Variants in EVC2 observed in about 807,000 individuals in gnomAD.
EVC2 encodes the protein EvC ciliary complex subunit 2.
EVC2 carries 148 observed loss-of-function variants against 149.3 expected under a neutral mutation model. The observed-to-expected ratio is 0.99, with a 90% CI of 0.87 to 1.14. EVC2 has a LOEUF of 1.14. EVC2 is among the 50% of genes most tolerant of loss of function. The pLI is 0.00. For synonymous variants in EVC2, 776 were observed against 649.9 expected (o/e 1.19, Z -2.95); for missense variants, 1,854 against 1,627.3 (o/e 1.14, Z -2.40).
chr4:5,574,598 T>A (rs1389178240), intron 19 of EVC2, 87 bp downstream of exon 19: 1 of 1,349,096 alleles, frequency 7.4e-7, no homozygotes, highest in African/African-American at 1.4e-5. Context: ...ATCACCATCC[T>A]GGAGGTGAGG....
rs1720075242 is a variant in EVC2, at chr4:5,677,562, G to C, written c.870+3698C>G. Among the ~76,000 whole-genome samples the C allele has an allele frequency of 6.6e-6, 1 of 152,172 alleles. No individual in the cohort carries two copies. Among genetic ancestry groups the C allele is most frequent in the African/African-American group, 2.4e-5 (1 of 41,450 alleles). ...CAACATGCAGGTGACGGGAAGCCTG[G>C]AAGACCTCGGCATGGCTCAATTCCA... On this transcript the variant is annotated intron_variant, in intron 7 of 21. Transcript: ENST00000344408. This position sits in a 1 kb window ranked among gnomAD's most constrained non-coding sequence, Gnocchi z 4.3.
Position 5,568,524 on chromosome 4 carries a change from CAGCAGGGCCAGCAGCTGAG to C in EVC2, c.3458_3476del (p.Pro1153ArgfsTer37), listed in dbSNP as rs778793911. The C allele has an allele frequency of 3.1e-6, 5 of 1,592,534 alleles. No individual in the cohort carries two copies. The highest frequency in any genetic ancestry group is 4.3e-6 in the Non-Finnish European group (5 of 1,175,228). Reference sequence around the variant, plus strand: ...CCACATGTCTCTCGGTGGCCGAATCCAGCAGGGCCAGCAGCTGAGGCTGTGAGGCTGTGGGCAGTACCAC... The same window carrying C: ...CCACATGTCTCTCGGTGGCCGAATCCGCTGTGAGGCTGTGGGCAGTACCAC... On this transcript the variant is annotated frameshift_variant, in exon 20 of 22. Transcript: ENST00000344408. LOFTEE classifies it high-confidence loss of function.
chr4:5,650,672 G>GCA (rs1718073341), intron 9 of EVC2, among the ~76,000 whole-genome samples: 1 of 73,822 alleles, frequency 1.4e-5, no homozygotes, highest in Non-Finnish European at 2.7e-5. Context: ...GAGAGAGAGA[G>GCA]CCATTTAATC....
intron 7 of EVC2, among the ~76,000 whole-genome samples, chr4:5,680,869 G>A (rs1720290872): frequency 6.6e-6 from 1 of 151,514 alleles, no homozygotes; most frequent in African/African-American, 2.4e-5. Flanking sequence ...GAAGTATTAT[G>A]GTGAAGAGCA....
chr4:5,650,910 A>G (rs1718092766), intron 9 of EVC2, among the ~76,000 whole-genome samples: 1 of 152,126 alleles, frequency 6.6e-6, no homozygotes, highest in Non-Finnish European at 1.5e-5. Flanking sequence ...CACAGAACAG[A>G]TGCTGGAAAA....
downstream of EVC2, among the ~76,000 whole-genome samples, chr4:5,538,932 C>G (rs767991875): frequency 6.6e-6 from 1 of 152,038 alleles, no homozygotes; most frequent in Non-Finnish European, 1.5e-5. Flanking sequence ...TAAACATTGT[C>G]CTGGAAGTTT....
At chr4:5,672,623 A>G (rs1001769336) in intron 7 of EVC2, among the ~76,000 whole-genome samples, 1 of 152,160 alleles carries the variant, frequency 6.6e-6, no homozygotes, top group Non-Finnish European at 1.5e-5. Context: ...CTGAGAGGCA[A>G]TAGGTTAAAA....
chr4:5,537,781 T>TCACTAACACATTTACTAG, downstream of EVC2, among the ~76,000 whole-genome samples: 1 of 152,268 alleles, frequency 6.6e-6, no homozygotes, highest in African/African-American at 2.4e-5. Flanking sequence ...TTTGTGGATG[T>TCACTAACACATTTACTAG]CACTAACACA....
chr4:5,688,990 C>T (rs1320107455), intron 5 of EVC2, among the ~76,000 whole-genome samples, 167 bp downstream of exon 5: 2 of 152,076 alleles, frequency 1.3e-5, no homozygotes, highest in African/African-American at 2.4e-5. Context: ...TGAATGTGGT[C>T]TCTTTTCTCT....
intron 17 of EVC2, among the ~76,000 whole-genome samples, chr4:5,579,163 G>T (rs934741712): frequency 6.6e-6 from 1 of 152,098 alleles, no homozygotes; most frequent in Non-Finnish European, 1.5e-5. Context: ...ACCGTGCAGG[G>T]GGGTAACTAG....
At chr4:5,699,841 T>C (rs1721718012) in intron 1 of EVC2, among the ~76,000 whole-genome samples, 1 of 151,498 alleles carries the variant, frequency 6.6e-6, no homozygotes, top group South Asian at 2.1e-4. Context: ...AAATAATAAA[T>C]ATTAATAATA....
At chr4:5,552,986 G>GT (rs1343496389) in intron 21 of EVC2, among the ~76,000 whole-genome samples, 3 of 152,336 alleles carry the variant, frequency 2.0e-5, no homozygotes, top group African/African-American at 7.2e-5. Flanking sequence ...TCCCTCTGGT[G>GT]TGTGATAGAT....
chr4:5,640,650 T>C lies in EVC2; in HGVS notation c.1334A>G (p.Glu445Gly), dbSNP rs1425223751. Residue 445 changes from glutamate to glycine, a missense_variant, in exon 10 of 22, where the codon GAG becomes GGG. Glu to Gly is a moderately conservative substitution (Grantham distance 98). Coordinates refer to ENST00000344408, the MANE Select transcript of EVC2 (RefSeq NM_147127.5). The surrounding 1 kb of genome is among the most constrained non-coding windows in gnomAD (Gnocchi z 4.6). ...TGCCACCATCTTCCGATCGTACTCC[T>C]CTTGTATTTCATTTTCCAGCAATAG... ...QFLLLENEIQ[E>G]EYDRKMVALT... 3 of 1,614,150 alleles carry C rather than the reference T, an allele frequency of 1.9e-6. No homozygotes were observed. Among genetic ancestry groups the C allele is most frequent in the Non-Finnish European group, 2.5e-6 (3 of 1,180,024 alleles).
At chr4:5,682,662 C>T (rs1285294438) in intron 6 of EVC2, among the ~76,000 whole-genome samples, 4 of 151,538 alleles carry the variant, frequency 2.6e-5, no homozygotes, top group Non-Finnish European at 5.9e-5. Context: ...AGCTTGAGAC[C>T]AGCCTGGCCA....
At chr4:5,607,280 T>TA (rs746319430) in intron 16 of EVC2, among the ~76,000 whole-genome samples, 3 of 152,198 alleles carry the variant, frequency 2.0e-5, no homozygotes, top group Non-Finnish European at 4.4e-5. Context: ...AAAATTTCAC[T>TA]AGAGCTCCTA....
Position 5,618,531 on chromosome 4 carries a change from G to A in EVC2, c.2653C>T (p.Arg885Ter), listed in dbSNP as rs146538906. The change falls in exon 15 of 22, where the codon CGA (arginine) becomes TGA (stop). Residue 885 changes from arginine to a stop codon, truncating the protein, a stop_gained. Coordinates refer to ENST00000344408, the MANE Select transcript of EVC2 (RefSeq NM_147127.5). LOFTEE classifies it high-confidence loss of function. The surrounding 1 kb of genome is among the most constrained non-coding windows in gnomAD (Gnocchi z 4.4). ...TCCAGCTTCACGAACTCTGCTTCTC[G>A]CCACGCAGTCTGAAATTGCTGCAGC... is the stretch of plus-strand genomic sequence containing the variant. The part of the protein sequence containing the change: ...VLLQQFQTAW[R>*]EAEFVKLDQA... The A allele has an allele frequency of 6.8e-6, 11 of 1,613,908 alleles. No individual in the cohort carries two copies. Among genetic ancestry groups the A allele is most frequent in the Admixed American group, 1.7e-5 (1 of 60,002 alleles).
chr4:5,691,718 G>T (rs1025780636), intron 3 of EVC2, among the ~76,000 whole-genome samples: 3 of 152,094 alleles, frequency 2.0e-5, no homozygotes, highest in Admixed American at 1.3e-4. Context: ...ACCATGGTGC[G>T]CTGGAACAAA....
At chr4:5,697,280 T>C (rs1001037142) in intron 2 of EVC2, among the ~76,000 whole-genome samples, 1 of 152,240 alleles carries the variant, frequency 6.6e-6, no homozygotes, top group Non-Finnish European at 1.5e-5. Flanking sequence ...TTTGTGAACA[T>C]TTGTTAGGGA....
chr4:5,665,694 C>G (rs533154392), intron 7 of EVC2, 45 bp from the exon 8 acceptor site: 1 of 1,607,184 alleles, frequency 6.2e-7, no homozygotes, highest in Non-Finnish European at 8.5e-7. Flanking sequence ...GGTCAGACAG[C>G]ATGTCTCCCA....
Sources: gnomAD v4.1 joint callset for allele counts (sites outside exome capture counted in the v4.1 genomes callset) on GRCh38, gnomAD v4.1.1 for gene constraint, Gnocchi (gnomAD v3.1) non-coding constraint, MANE v1.5 for transcripts, NCBI Gene and HGNC (gene_info 2026-07-23, HGNC 2026-07-21) for gene names.